Variants in CDC42BPB observed in about 807,000 individuals in gnomAD.
CDC42BPB encodes serine/threonine-protein kinase MRCK beta.
In CDC42BPB, 37 loss-of-function variants were observed where a neutral mutation model predicts 214.9. That is an observed-to-expected ratio of 0.17 (90% confidence interval 0.13 to 0.23). The LOEUF (loss-of-function observed/expected upper bound fraction) is 0.23, where lower values mean the gene tolerates loss of function less well. Among genes scored for constraint, CDC42BPB ranks in the 10% least tolerant of loss-of-function variants. CDC42BPB has a pLI of 1.00. For missense variants in CDC42BPB, 1,694 were observed against 2,227.0 expected (o/e 0.76, Z 4.82); for synonymous variants, 931 against 884.0 (o/e 1.05, Z -0.94).
chr14:103,024,595 G>A (rs903120474), intron 1 of CDC42BPB, among the ~76,000 whole-genome samples: 6 of 152,204 alleles, frequency 3.9e-5, no homozygotes, highest in East Asian at 1.9e-4. Context: ...ATTAATTCAA[G>A]CTTATAACAT....
chr14:102,989,127 C>T (rs549811115), intron 5 of CDC42BPB, among the ~76,000 whole-genome samples: 131 of 152,148 alleles, frequency 8.6e-4, no homozygotes, highest in Non-Finnish European at 1.4e-3. Context: ...AATGAAAAAA[C>T]TCACATACAC....
chr14:103,037,806 G>A (rs1221762411), intron 1 of CDC42BPB, among the ~76,000 whole-genome samples: 3 of 152,106 alleles, frequency 2.0e-5, no homozygotes, highest in Non-Finnish European at 4.4e-5. Flanking sequence ...CGAGGCAGGT[G>A]GATCACAAGG....
Position 102,968,540 on chromosome 14 carries a change from G to A in CDC42BPB, c.2172C>T (p.Ser724=). ...NVKKEVHDSE[S]HQLALQKEIL... is the part of the protein sequence containing the mutation. ...TTTCTTTCTGCAGGGCCAGCTGGTG[G>A]CTTTCTGAATCATGCACCTCCTTCT... is the stretch of plus-strand genomic sequence containing the variant. The change falls in exon 15 of 37, where the codon AGC becomes AGT. Residue 724 remains serine, a synonymous_variant. Transcript: ENST00000361246. 7.4e-6 allele frequency: 12 copies of A among 1,614,136 alleles called. No individual in the cohort carries two copies. Among genetic ancestry groups the A allele is most frequent in the Non-Finnish European group, 1.0e-5 (12 of 1,180,038 alleles).
At chr14:102,956,920 T>C (rs1431025770) in intron 21 of CDC42BPB, among the ~76,000 whole-genome samples, 1 of 149,488 alleles carries the variant, frequency 6.7e-6, no homozygotes, top group South Asian at 2.1e-4. Flanking sequence ...GGCTCACACC[T>C]GTAATCCCAG....
intron 3 of CDC42BPB, among the ~76,000 whole-genome samples, chr14:103,005,883 G>A (rs1407999076): frequency 6.6e-6 from 1 of 152,020 alleles, no homozygotes; most frequent in Non-Finnish European, 1.5e-5. Flanking sequence ...AGCTAGGCGT[G>A]GTGGCGGGTG....
At chr14:102,941,608 C>T (rs934266472) in intron 30 of CDC42BPB, 9 of 961,646 alleles carry the variant, frequency 9.4e-6, no homozygotes, top group Middle Eastern at 5.3e-4. Context: ...TGTGGGGATT[C>T]GCTTGCAAGG....
chr14:102,967,947 T>G (rs1331311714), intron 16 of CDC42BPB, among the ~76,000 whole-genome samples: 2 of 151,938 alleles, frequency 1.3e-5, no homozygotes, highest in Non-Finnish European at 2.9e-5. Flanking sequence ...TACAAAAACT[T>G]AGCCAGGCGT....
At chr14:103,047,113 A>G (rs999221985) in intron 1 of CDC42BPB, among the ~76,000 whole-genome samples, 2 of 151,238 alleles carry the variant, frequency 1.3e-5, no homozygotes, top group African/African-American at 4.9e-5. Context: ...GTGAAATCCC[A>G]TCTCTACTGA....
In CDC42BPB at chr14:102,968,711, C is replaced by T; in HGVS notation, c.2001G>A (p.Lys667=). 1 of 1,613,764 alleles carries T rather than the reference C, an allele frequency of 6.2e-7. No individual in the cohort carries two copies. The part of the protein sequence containing the change: ...MESELEALKV[K]QGGRGAGATL... ...TGGCACCCGCTCCCCGGCCTCCTTG[C>T]TTCACCTGAAGACAAAGGTTAACAT... The change falls in exon 15 of 37, where the codon AAG becomes AAA. Residue 667 remains lysine (K), a synonymous_variant. Coordinates refer to ENST00000361246, the MANE Select transcript of CDC42BPB (RefSeq NM_006035.4).
At chr14:102,996,398 A>G (rs1894739714) in intron 5 of CDC42BPB, among the ~76,000 whole-genome samples, 1 of 152,198 alleles carries the variant, frequency 6.6e-6, no homozygotes, top group African/African-American at 2.4e-5. Flanking sequence ...GAGAAAAACA[A>G]TTTAAAAGGT....
intron 13 of CDC42BPB, among the ~76,000 whole-genome samples, chr14:102,971,151 C>T (rs1363835925): frequency 2.0e-5 from 3 of 152,096 alleles, no homozygotes; most frequent in African/African-American, 4.8e-5. Flanking sequence ...TGTAGCAAAA[C>T]GGATTGAAGA....
chr14:102,945,940 T>A (rs765339757), intron 28 of CDC42BPB, among the ~76,000 whole-genome samples: 16 of 152,148 alleles, frequency 1.1e-4, no homozygotes, highest in Admixed American at 3.9e-4. Context: ...CTGCAAGGAT[T>A]TGGGTGTGTG....
At chr14:103,040,914 T>A (rs1468119661) in intron 1 of CDC42BPB, among the ~76,000 whole-genome samples, 1 of 152,222 alleles carries the variant, frequency 6.6e-6, no homozygotes, top group Admixed American at 6.5e-5. Context: ...TATTAGAAAC[T>A]GACAAGCTGT....
chr14:103,020,648 G>A (rs1245200014), intron 1 of CDC42BPB, among the ~76,000 whole-genome samples: 6 of 152,190 alleles, frequency 3.9e-5, no homozygotes, highest in African/African-American at 1.2e-4. Flanking sequence ...CACAGTGGAC[G>A]GGGCACATGC....
rs1414326490 is a variant in CDC42BPB, at chr14:102,959,665, T to C, written c.2867A>G (p.Asn956Ser). 6.2e-7 allele frequency: 1 copy of C among 1,611,610 alleles called. No homozygotes were observed. The highest frequency in any genetic ancestry group is 1.7e-5 in the Admixed American group (1 of 59,848). Residue 956 changes from asparagine (N) to serine (S), a missense_variant, in exon 21 of 37, where the codon AAC becomes AGC. Coordinates refer to ENST00000361246, the MANE Select transcript of CDC42BPB (RefSeq NM_006035.4). The stretch of plus-strand genomic sequence containing the variant: ...CAGGTCATGTGCAAGAGGAGCAGTG[T>C]TGAAATACTCAAAAATGGAATCCTG... ...DFQDSIFEYF[N>S]TAPLAHDLTF...
rs1271848317 is a variant in CDC42BPB, at chr14:103,034,267, G to C, written c.176-22079C>G. ...GCGTGATGGCTCATGCCTATTCCCA[G>C]CGTTTTGGGAGGCCAAGGTGAGAGG... is the stretch of plus-strand genomic sequence containing the variant. On this transcript the variant is annotated intron_variant, in intron 1 of 36. Transcript: ENST00000361246. Among the ~76,000 whole-genome samples, 3 of 152,142 alleles carry C rather than the reference G, an allele frequency of 2.0e-5. No individual in the cohort carries two copies. In the East Asian group the frequency reaches 5.8e-4, roughly 29 times the overall value.
At chr14:102,978,284 T>C (rs560451276) in intron 8 of CDC42BPB, 79 bp from the exon 9 acceptor site, 2 of 1,592,378 alleles carry the variant, frequency 1.3e-6, no homozygotes, top group East Asian at 2.3e-5. Context: ...GTTACAGTCA[T>C]GGTGACAGGA....
chr14:103,041,532 C>A, intron 1 of CDC42BPB: 1 of 1,371,184 alleles, frequency 7.3e-7, no homozygotes, highest in Non-Finnish European at 1.0e-6. Flanking sequence ...TGGCTCGTGG[C>A]CACATGGTTC....
chr14:102,941,104 C>T (rs1018652919), intron 30 of CDC42BPB: 187 of 983,472 alleles, frequency 1.9e-4, no homozygotes, highest in Non-Finnish European at 2.2e-4. Flanking sequence ...GACAAGGGAG[C>T]GGTGTGCGTC....
Sources: allele counts gnomAD v4.1 joint callset (sites outside exome capture counted in the v4.1 genomes callset), GRCh38; gene constraint gnomAD v4.1.1; transcripts MANE v1.5; gene names NCBI Gene and HGNC (gene_info 2026-07-23, HGNC 2026-07-21).